Variants in ADCY1 observed in about 807,000 individuals in gnomAD.
ADCY1 encodes the protein adenylate cyclase 1.
ADCY1 carries 28 observed loss-of-function variants against 105.4 expected under a neutral mutation model. The observed-to-expected ratio is 0.27, with a 90% CI of 0.20 to 0.36. The LOEUF is 0.36. Ranked by LOEUF, ADCY1 falls within the 10% of genes least tolerant of loss-of-function variation. The pLI is 1.00. For synonymous variants in ADCY1, 655 were observed against 623.8 expected (o/e 1.05, Z -0.75); for missense variants, 977 against 1,434.2 (o/e 0.68, Z 5.15).
At chr7:45,605,423 A>G (rs772281039) in intron 2 of ADCY1, among the ~76,000 whole-genome samples, 10 of 152,166 alleles carry the variant, frequency 6.6e-5, no homozygotes, top group Non-Finnish European at 1.5e-4. Flanking sequence ...AAAGCATTCA[A>G]TGTTTGTTAG....
In ADCY1 at chr7:45,574,729, G is replaced by A. The variant is rs1293910705; in HGVS notation, c.186G>A (p.Leu62=). Residue 62 remains leucine (L), a synonymous_variant, in exon 1 of 20, where the codon CTG becomes CTA. Coordinates refer to ENST00000297323, the MANE Select transcript of ADCY1 (RefSeq NM_021116.4). The surrounding 1 kb of genome is among the most constrained non-coding windows in gnomAD (Gnocchi z 7.0). ...YTLRLEQAAT[L]KALAVLSLLA... ...TGCGGCTGGAGCAGGCGGCCACGCT[G>A]AAGGCGCTGGCCGTTCTCAGCCTGC... 4 of 1,416,678 alleles carry A rather than the reference G, an allele frequency of 2.8e-6. No homozygotes were observed. The highest frequency in any genetic ancestry group is 3.7e-6 in the Non-Finnish European group (4 of 1,093,048). The allele number at this position is 1,416,678 out of a possible 1,614,324, so 87.8% of individuals were successfully genotyped here.
chr7:45,675,870 T>G (rs889416937), intron 8 of ADCY1, among the ~76,000 whole-genome samples: 1 of 152,224 alleles, frequency 6.6e-6, no homozygotes, highest in Non-Finnish European at 1.5e-5. Context: ...GTTTGAGATT[T>G]GCTAACTTAC....
chr7:45,605,288 T>C (rs1221553067), intron 2 of ADCY1, among the ~76,000 whole-genome samples: 2 of 152,206 alleles, frequency 1.3e-5, no homozygotes, highest in African/African-American at 4.8e-5. Context: ...ATATTACTTT[T>C]ATTTCTTTCT....
At chr7:45,700,549 C>G (rs555967176) in intron 14 of ADCY1, among the ~76,000 whole-genome samples, 1 of 152,172 alleles carries the variant, frequency 6.6e-6, no homozygotes, top group Admixed American at 6.5e-5. Flanking sequence ...GTGTGTGCAC[C>G]TCAGGACACT....
chr7:45,710,417 AAGGAGCAGCCTTTTCTCCACC>A lies in ADCY1; in HGVS notation c.2933-101_2933-81del, dbSNP rs1238257328. On this transcript the variant is annotated intron_variant, in intron 18 of 19. Transcript: ENST00000297323. The surrounding 1 kb of genome is among the most constrained non-coding windows in gnomAD (Gnocchi z 4.7). Reference sequence around the variant, plus strand: ...GTGACCCCAGGAAACAAAGCCCTGAAAGGAGCAGCCTTTTCTCCACCAGGAGCAGCATCAGGTGCATTTGGT... The same window carrying A: ...GTGACCCCAGGAAACAAAGCCCTGAAAGGAGCAGCATCAGGTGCATTTGGT... The A allele has an allele frequency of 6.7e-7, 1 of 1,485,820 alleles. No individual in the cohort carries two copies. The highest frequency in any genetic ancestry group is 9.1e-7 in the Non-Finnish European group (1 of 1,101,280). 92.0% of individuals were successfully genotyped at this position (1,485,820 alleles called of 1,614,324 possible).
rs150205239 is a variant in ADCY1 at position 45,645,391 on chromosome 7, C to T, written c.1021-3279C>T. Among the ~76,000 whole-genome samples, 32 of 152,186 alleles carry T rather than the reference C, an allele frequency of 2.1e-4. No homozygotes were observed. In the South Asian group the frequency reaches 3.3e-3, roughly 16 times the overall value. On this transcript the variant is annotated intron_variant, in intron 4 of 19. Coordinates refer to ENST00000297323, the MANE Select transcript of ADCY1 (RefSeq NM_021116.4). ...AGCCCCACAGCAATGTCCTTTTCTG[C>T]GGTGGCCATGCCAAGTCTTGGTGTC... is the stretch of plus-strand genomic sequence containing the variant.
intron 3 of ADCY1, among the ~76,000 whole-genome samples, chr7:45,621,236 A>G (rs1308848659): frequency 6.6e-6 from 1 of 151,696 alleles, no homozygotes; most frequent in Non-Finnish European, 1.5e-5. Context: ...TGGCTAATTT[A>G]TGTATTTTTT....
chr7:45,586,810 A>G (rs1302851538), intron 1 of ADCY1, among the ~76,000 whole-genome samples: 2 of 152,222 alleles, frequency 1.3e-5, no homozygotes, highest in Non-Finnish European at 2.9e-5. Flanking sequence ...GAATTTACCA[A>G]TGAGAACATG....
At chr7:45,697,700 T>C (rs1296340607) in intron 14 of ADCY1, among the ~76,000 whole-genome samples, 1 of 152,138 alleles carries the variant, frequency 6.6e-6, no homozygotes, top group African/African-American at 2.4e-5. Context: ...CTCTTTACCT[T>C]TTAAAATGGC....
chr7:45,646,543 C>G (rs940215867), intron 4 of ADCY1, among the ~76,000 whole-genome samples: 1 of 152,238 alleles, frequency 6.6e-6, no homozygotes, highest in Admixed American at 6.5e-5. Context: ...TTGCCCAGAT[C>G]ATCACTGGTC....
intron 4 of ADCY1, among the ~76,000 whole-genome samples, chr7:45,643,226 C>G (rs1794571746): frequency 6.7e-6 from 1 of 149,704 alleles, no homozygotes; most frequent in Non-Finnish European, 1.5e-5. Flanking sequence ...ACACCATAAT[C>G]TGGGTTGTAA....
chr7:45,575,229 G>A lies in ADCY1; in HGVS notation c.639+47G>A, dbSNP rs764551512. The A allele has an allele frequency of 6.6e-7, 1 of 1,526,168 alleles. No homozygotes were observed. Among genetic ancestry groups the A allele is most frequent in the African/African-American group, 1.4e-5 (1 of 72,164 alleles). 94.5% of individuals were successfully genotyped at this position (1,526,168 alleles called of 1,614,324 possible). On this transcript the variant is annotated intron_variant, in intron 1 of 19. Transcript: ENST00000297323. The surrounding 1 kb of genome is among the most constrained non-coding windows in gnomAD (Gnocchi z 4.7). ...TCATCTGGTCTCGGACACACTTGCT[G>A]GGACGATGCTGGGAATGCCCGGAGT...
intron 17 of ADCY1, among the ~76,000 whole-genome samples, chr7:45,707,682 C>T (rs1342058681): frequency 1.3e-5 from 2 of 152,062 alleles, no homozygotes; most frequent in Admixed American, 1.3e-4. Context: ...TTAATAATAT[C>T]AATATTGGTT....
intron 19 of ADCY1, among the ~76,000 whole-genome samples, chr7:45,711,416 G>A (rs992961313): frequency 1.3e-5 from 2 of 151,986 alleles, no homozygotes; most frequent in African/African-American, 4.8e-5. Context: ...CTCCTCTCCT[G>A]CTCAAAACAT....
intron 4 of ADCY1, among the ~76,000 whole-genome samples, chr7:45,639,057 C>T (rs1215527264): frequency 6.6e-6 from 1 of 152,084 alleles, no homozygotes; most frequent in African/African-American, 2.4e-5. Context: ...TGCAAGTGGC[C>T]CCTGTGACGT....
intron 14 of ADCY1, among the ~76,000 whole-genome samples, chr7:45,694,263 A>G (rs886814139): frequency 2.0e-5 from 3 of 152,218 alleles, no homozygotes; most frequent in Admixed American, 6.5e-5. Context: ...ATTCAAAAGG[A>G]TTCAAATCAT....
chr7:45,592,078 T>C (rs73318957), intron 1 of ADCY1, among the ~76,000 whole-genome samples: 1,669 of 150,550 alleles, frequency 0.011, 26 homozygotes, highest in African/African-American at 0.035. Context: ...TGAACTCACC[T>C]TTCCTGAATC....
In ADCY1 at chr7:45,661,942, G is replaced by A. The variant is rs185848298; in HGVS notation, c.1450-117G>A. The A allele has an allele frequency of 3.0e-5, 38 of 1,287,232 alleles. No individual in the cohort carries two copies. In the Admixed American group the frequency reaches 6.6e-4, roughly 22 times the overall value. 79.7% of individuals were successfully genotyped at this position (1,287,232 alleles called of 1,614,324 possible). ...ATGCCTGGCTTGAAGTAGGCGCTGA[G>A]CAAATGAATCCCAGTGCCCTGGGGT... On this transcript the variant is annotated intron_variant, in intron 7 of 19. Transcript: ENST00000297323.
At chr7:45,651,122 C>T (rs1794797868) in intron 5 of ADCY1, among the ~76,000 whole-genome samples, 1 of 151,832 alleles carries the variant, frequency 6.6e-6, no homozygotes, top group African/African-American at 2.4e-5. Context: ...TCCTGATTAC[C>T]AGAGTGTTCC....
Sources: allele counts gnomAD v4.1 joint callset (sites outside exome capture counted in the v4.1 genomes callset), GRCh38; gene constraint gnomAD v4.1.1; non-coding constraint Gnocchi (gnomAD v3.1); transcripts MANE v1.5; gene names NCBI Gene and HGNC (gene_info 2026-07-23, HGNC 2026-07-21).